ABTB2: variants seen among roughly 807,000 people sequenced by gnomAD.
ABTB2 encodes the protein ankyrin repeat and BTB/POZ domain-containing protein 2.
Under a neutral mutation model 104.1 loss-of-function variants are expected in ABTB2, and 56 were observed. The observed-to-expected ratio is 0.54, with a 90% CI of 0.43 to 0.67. The LOEUF (loss-of-function observed/expected upper bound fraction) is 0.67. Ranked by LOEUF, ABTB2 falls within the 30% of genes least tolerant of loss-of-function variation. The probability of loss-of-function intolerance (pLI) is 0.00; values close to 1 mark genes in which losing one functional copy is unlikely to be tolerated. For missense variants in ABTB2, 1,279 were observed against 1,407.7 expected, an observed-to-expected ratio of 0.91 and a Z score of 1.46; for synonymous variants, 606 against 608.2, an observed-to-expected ratio of 1.00 and a Z score of 0.05.
chr11:34,230,348 T>G lies in ABTB2; in HGVS notation c.884-25658A>C, dbSNP rs12272028. Among the ~76,000 whole-genome samples the G allele has an allele frequency of 2.8e-3, 428 of 152,318 alleles. 2 individuals carry two copies. Among genetic ancestry groups the G allele is most frequent in the African/African-American group, 0.01 (419 of 41,572 alleles). On this transcript the variant is annotated intron_variant, in intron 1 of 16. Coordinates refer to ENST00000435224, the MANE Select transcript of ABTB2 (RefSeq NM_145804.3). ...GCTCAGTGAGGGAGAATTTGAGGGT[T>G]GTACCTGGGTTTGAATGAGGGGTTA...
intron 1 of ABTB2, among the ~76,000 whole-genome samples, chr11:34,224,368 C>T (rs1446770248): frequency 6.6e-6 from 1 of 152,110 alleles, no homozygotes; most frequent in Non-Finnish European, 1.5e-5. Context: ...GTCTCAAACT[C>T]CTAACCTCAA....
At chr11:34,316,963 T>C (rs1438025835) in intron 1 of ABTB2, among the ~76,000 whole-genome samples, 1 of 152,118 alleles carries the variant, frequency 6.6e-6, no homozygotes, top group Non-Finnish European at 1.5e-5. Flanking sequence ...GACGAAACAC[T>C]CCAGCCCCAT....
At chr11:34,325,219 AC>A (rs1267596327) in intron 1 of ABTB2, among the ~76,000 whole-genome samples, 1 of 152,160 alleles carries the variant, frequency 6.6e-6, no homozygotes, top group Non-Finnish European at 1.5e-5. Flanking sequence ...AGGAAAAATA[AC>A]TAGTTTGGGA....
chr11:34,226,753 T>C (rs970870734), intron 1 of ABTB2, among the ~76,000 whole-genome samples: 1 of 152,190 alleles, frequency 6.6e-6, no homozygotes, highest in African/African-American at 2.4e-5. Context: ...CAGAACATTT[T>C]CATCACCCCA....
At chr11:34,324,099 C>T (rs746778473) in intron 1 of ABTB2, among the ~76,000 whole-genome samples, 12 of 151,742 alleles carry the variant, frequency 7.9e-5, no homozygotes, top group South Asian at 2.1e-4. Flanking sequence ...TTAGTAGAGA[C>T]GGGGTTTCAC....
At chr11:34,222,148 T>A (rs1160423092) in intron 1 of ABTB2, among the ~76,000 whole-genome samples, 1 of 152,182 alleles carries the variant, frequency 6.6e-6, no homozygotes, top group Non-Finnish European at 1.5e-5. Flanking sequence ...TAGGTAGATT[T>A]AAAAATTTTC....
intron 1 of ABTB2, among the ~76,000 whole-genome samples, chr11:34,220,387 A>G (rs1263273463): frequency 6.6e-6 from 1 of 152,256 alleles, no homozygotes; most frequent in African/African-American, 2.4e-5. Context: ...ACAGTTCTGG[A>G]CAATGAGACA....
At chr11:34,188,241 G>T (rs1565135995) in intron 3 of ABTB2, among the ~76,000 whole-genome samples, 1 of 152,128 alleles carries the variant, frequency 6.6e-6, no homozygotes, top group Non-Finnish European at 1.5e-5. Flanking sequence ...CAACCATTAG[G>T]TTCTACCACC....
chr11:34,174,651 G>C (rs1050670598), intron 3 of ABTB2, among the ~76,000 whole-genome samples: 2 of 152,240 alleles, frequency 1.3e-5, no homozygotes, highest in African/African-American at 4.8e-5. Flanking sequence ...CTCCGTGTTG[G>C]AGCCCCCTCA....
chr11:34,239,632 C>G (rs1486841758), intron 1 of ABTB2, among the ~76,000 whole-genome samples: 1 of 152,186 alleles, frequency 6.6e-6, no homozygotes, highest in Non-Finnish European at 1.5e-5. Flanking sequence ...CCCGGCCTGT[C>G]TCTGCCTTTT....
chr11:34,344,065 C>T (rs1426374261), intron 1 of ABTB2, among the ~76,000 whole-genome samples: 3 of 152,174 alleles, frequency 2.0e-5, no homozygotes, highest in African/African-American at 7.2e-5. Context: ...GGCCCCATGC[C>T]TTCTCAAGCC....
intron 1 of ABTB2, among the ~76,000 whole-genome samples, chr11:34,261,132 C>T (rs528352002): frequency 1.3e-5 from 2 of 151,998 alleles, no homozygotes; most frequent in South Asian, 2.1e-4. Context: ...CCCCGCCTGC[C>T]CCCCCCAAAA....
In ABTB2 at chr11:34,357,982, C is replaced by A. The variant is rs1332490701; in HGVS notation, c.-399G>T. On this transcript the variant is annotated 5_prime_UTR_variant, in exon 1 of 17. Coordinates refer to ENST00000435224, the MANE Select transcript of ABTB2 (RefSeq NM_145804.3). The stretch of plus-strand genomic sequence containing the variant: ...GGCGCAGCGCGAGTCCGGGACCAGC[C>A]GGCGAGAAAGCGCTCTGCAAACTTC... 1 of 191,378 alleles carries A rather than the reference C, an allele frequency of 5.2e-6. No individual in the cohort carries two copies. 11.9% of individuals were successfully genotyped at this position (191,378 alleles called of 1,614,324 possible). A position where few individuals can be genotyped will look rare whatever the true frequency, so the allele number is the denominator to read the frequency against.
intron 1 of ABTB2, among the ~76,000 whole-genome samples, chr11:34,228,795 A>T (rs1251700412): frequency 6.6e-6 from 1 of 152,098 alleles, no homozygotes; most frequent in Non-Finnish European, 1.5e-5. Flanking sequence ...AACACTTATT[A>T]TCTGTCTGTT....
At chr11:34,355,598 ACTT>A (rs1444539799) in intron 1 of ABTB2, among the ~76,000 whole-genome samples, 2 of 152,080 alleles carry the variant, frequency 1.3e-5, no homozygotes, top group Non-Finnish European at 2.9e-5. Flanking sequence ...CCATGTTTTG[ACTT>A]CTTTTATCCC....
At chr11:34,306,100 T>C (rs976203721) in intron 1 of ABTB2, among the ~76,000 whole-genome samples, 8 of 152,042 alleles carry the variant, frequency 5.3e-5, no homozygotes, top group Non-Finnish European at 1.2e-4. Context: ...TCACATTCTC[T>C]AAGAATACAG....
At chr11:34,344,057 C>A (rs1230587061) in intron 1 of ABTB2, among the ~76,000 whole-genome samples, 1 of 152,146 alleles carries the variant, frequency 6.6e-6, no homozygotes, top group Non-Finnish European at 1.5e-5. Flanking sequence ...CCACTCCAGG[C>A]CCCATGCCTT....
Position 34,174,485 on chromosome 11 carries a change from T to C in ABTB2, c.1245-1178A>G, listed in dbSNP as rs185807454. Among the ~76,000 whole-genome samples the C allele has an allele frequency of 7.5e-3, 1,138 of 152,332 alleles. 22 individuals carry two copies. The highest frequency in any genetic ancestry group is 0.026 in the African/African-American group (1,064 of 41,576). ...CTGCAAACTCCCGGGGCGCCGCTCATGAGGCCCGCTCTGTGCCACCAGGGG... is the reference window on the plus strand; with the variant it reads ...CTGCAAACTCCCGGGGCGCCGCTCACGAGGCCCGCTCTGTGCCACCAGGGG... On this transcript the variant is annotated intron_variant, in intron 3 of 16. Coordinates refer to ENST00000435224, the MANE Select transcript of ABTB2 (RefSeq NM_145804.3).
At chr11:34,222,093 G>C (rs530375056) in intron 1 of ABTB2, among the ~76,000 whole-genome samples, 2 of 152,222 alleles carry the variant, frequency 1.3e-5, no homozygotes, top group East Asian at 3.9e-4. Context: ...GGTTCTGTCT[G>C]GAAAGGTGGG....
Sources: gnomAD v4.1 joint callset for allele counts (sites outside exome capture counted in the v4.1 genomes callset) on GRCh38, gnomAD v4.1.1 for gene constraint, MANE v1.5 for transcripts, NCBI Gene and HGNC (gene_info 2026-07-23, HGNC 2026-07-21) for gene names.